Variants in ZSWIM8 observed in about 807,000 individuals in gnomAD.
The protein encoded by ZSWIM8 is zinc finger SWIM domain-containing protein 8.
A neutral mutation model predicts 173.7 loss-of-function variants in ZSWIM8; 27 were observed. The observed-to-expected ratio is 0.16, with a 90% confidence interval of 0.11 to 0.21. ZSWIM8 has a LOEUF of 0.21. Ranked by LOEUF, ZSWIM8 falls within the 10% of genes least tolerant of loss-of-function variation. The probability of loss-of-function intolerance (pLI) is 1.00; values close to 1 mark genes in which losing one functional copy is unlikely to be tolerated. For synonymous variants in ZSWIM8, 958 were observed against 962.0 expected (o/e 1.00, Z 0.08); for missense variants, 1,627 against 2,428.8 (o/e 0.67, Z 6.94).
Position 73,791,485 on chromosome 10 carries a change from ACTCAGCC to A in ZSWIM8, c.1307_1313del (p.Leu436ProfsTer16). Reference sequence around the variant, plus strand: ...GGAGGCTGGCCGTGCTGGACCCTGCACTCAGCCCCCAGCGGTGAGTCTCCCCTGAGGC... The same window carrying A: ...GGAGGCTGGCCGTGCTGGACCCTGCACCCAGCGGTGAGTCTCCCCTGAGGC... On this transcript the variant is annotated frameshift_variant, in exon 9 of 26. Coordinates refer to ENST00000604729, the MANE Select transcript of ZSWIM8 (RefSeq NM_001367799.1). LOFTEE classifies it high-confidence loss of function. This position sits in a 1 kb window ranked among gnomAD's most constrained non-coding sequence, Gnocchi z 6.0. 6.2e-7 allele frequency: 1 copy of A among 1,603,634 alleles called. No homozygotes were observed.
chr10:73,796,228 A>AC, intron 15 of ZSWIM8: 1 of 218,192 alleles, frequency 4.6e-6, no homozygotes, highest in South Asian at 5.0e-5. Context: ...GCGCGCCTGT[A>AC]GTCCCAGCTA....
rs368300768 is a variant in ZSWIM8, at chr10:73,790,299, C to T, written c.941+7C>T. 2.3e-4 allele frequency: 375 copies of T among 1,598,404 alleles called. No homozygotes were observed. Among genetic ancestry groups the T allele is most frequent in the Admixed American group, 3.4e-4 (20 of 58,158 alleles). On this transcript the variant is annotated splice_region_variant and intron_variant, in intron 7 of 25. Coordinates refer to ENST00000604729, the MANE Select transcript of ZSWIM8 (RefSeq NM_001367799.1). ...CCTCCCCTGTGGTCTTCAGGTAAAT[C>T]GGATCTCTGCATACCTGTGTCTGTG... is the stretch of plus-strand genomic sequence containing the variant.
chr10:73,795,801 A>C, intron 15 of ZSWIM8, 138 bp downstream of exon 15: 1 of 972,392 alleles, frequency 1.0e-6, no homozygotes, highest in Non-Finnish European at 1.5e-6. Context: ...CTACCAAAAA[A>C]TACAAAAAAT....
chr10:73,797,292 G>T lies in ZSWIM8; in HGVS notation c.3433+21G>T. ...CACAGGTAGGATAGCCTGTGGGCTAGCATAGAGGGAAGGATAATCCTGAAG... is the reference window on the plus strand; with the variant it reads ...CACAGGTAGGATAGCCTGTGGGCTATCATAGAGGGAAGGATAATCCTGAAG... On this transcript the variant is annotated intron_variant, in intron 17 of 25. Coordinates refer to ENST00000604729, the MANE Select transcript of ZSWIM8 (RefSeq NM_001367799.1). The surrounding 1 kb of genome is among the most constrained non-coding windows in gnomAD (Gnocchi z 5.6). 1 of 1,613,804 alleles carries T rather than the reference G, an allele frequency of 6.2e-7. No individual in the cohort carries two copies. The highest frequency in any genetic ancestry group is 2.2e-5 in the East Asian group (1 of 44,884).
In ZSWIM8 at chr10:73,793,754, C is replaced by G. The variant is rs372881703; in HGVS notation, c.2445+35C>G. The G allele has an allele frequency of 5.1e-6, 8 of 1,574,564 alleles. No individual in the cohort carries two copies. In the Admixed American group the frequency reaches 8.6e-5, roughly 17 times the overall value. Reference sequence around the variant, plus strand: ...CCCCTTCCTCTACCTTCCCCTCCCCCACTTACCCCCAACCTGCTCCCATGC... The same window carrying G: ...CCCCTTCCTCTACCTTCCCCTCCCCGACTTACCCCCAACCTGCTCCCATGC... On this transcript the variant is annotated intron_variant, in intron 11 of 25. Coordinates refer to ENST00000604729, the MANE Select transcript of ZSWIM8 (RefSeq NM_001367799.1).
Position 73,795,667 on chromosome 10 carries a change from A to G in ZSWIM8, c.3033+4A>G. 2 of 1,611,548 alleles carry G rather than the reference A, an allele frequency of 1.2e-6. No individual in the cohort carries two copies. Among genetic ancestry groups the G allele is most frequent in the Non-Finnish European group, 1.7e-6 (2 of 1,179,562 alleles). On this transcript the variant is annotated splice_donor_region_variant and intron_variant, in intron 15 of 25. Transcript: ENST00000604729. ...CGACCAGGCCAAGCTTAAGAAGGTA[A>G]GAGACTGGGGCTGGGTGCGGTGGCT...
In ZSWIM8 at chr10:73,789,448, G is replaced by A. The variant is rs1229642366; in HGVS notation, c.539G>A (p.Arg180His). The A allele has an allele frequency of 6.2e-7, 1 of 1,606,828 alleles. No individual in the cohort carries two copies. The highest frequency in any genetic ancestry group is 8.5e-7 in the Non-Finnish European group (1 of 1,176,540). Residue 180 changes from arginine (R) to histidine (H), a missense_variant, in exon 4 of 26, where the codon CGC (arginine) becomes CAC (histidine). By Grantham distance (29) the Arg-to-His change is conservative. This residue lies in a region of ZSWIM8 where 39 missense variants were observed against 154.0 expected (regional missense o/e 0.25). Transcript: ENST00000604729. This position sits in a 1 kb window ranked among gnomAD's most constrained non-coding sequence, Gnocchi z 6.8. ...TACAACGTGGCTGTGATGTTTGACC[G>A]CTGCCGGGTCACTTCCTGCAGCTGT... ...GAYNVAVMFD[R>H]CRVTSCSCTC...
chr10:73,799,145 T>A lies in ZSWIM8; in HGVS notation c.4320T>A (p.Arg1440=). The part of the protein sequence containing the change: ...EQTAGGSSTA[R]EGATSCSASG... ...CTGCAGGTGGCTCATCCACAGCCCG[T>A]GAAGGGGCTACAAGCTGTAGTGCCA... Residue 1440 remains arginine, a synonymous_variant, in exon 21 of 26, where the codon CGT becomes CGA. Transcript: ENST00000604729. 1 of 1,612,984 alleles carries A rather than the reference T, an allele frequency of 6.2e-7. No individual in the cohort carries two copies. The highest frequency in any genetic ancestry group is 2.2e-5 in the East Asian group (1 of 44,844).
Position 73,799,304 on chromosome 10 carries a change from G to A in ZSWIM8, c.4479G>A (p.Gly1493=), listed in dbSNP as rs565613701. Reference sequence around the variant, plus strand: ...CAGTGGTGCCCGTCATATCGGTGGGGTCTAGTTTATACCCGGGTCCAGGAC... The same window carrying A: ...CAGTGGTGCCCGTCATATCGGTGGGATCTAGTTTATACCCGGGTCCAGGAC... ...AATVVPVISV[G]SSLYPGPGLG... The change falls in exon 21 of 26, where the codon GGG becomes GGA. Residue 1493 remains glycine (G), a synonymous_variant. Coordinates refer to ENST00000604729, the MANE Select transcript of ZSWIM8 (RefSeq NM_001367799.1). The A allele has an allele frequency of 5.3e-5, 85 of 1,606,022 alleles. No homozygotes were observed. In the Admixed American group the frequency reaches 1.3e-3, roughly 25 times the overall value.
At position 73,800,783 on chromosome 10, in the gene ZSWIM8, C is replaced by A; in HGVS notation, c.5122+24C>A. 2 of 1,537,470 alleles carry A rather than the reference C, an allele frequency of 1.3e-6. No homozygotes were observed. The highest frequency in any genetic ancestry group is 1.8e-6 in the Non-Finnish European group (2 of 1,129,496). On this transcript the variant is annotated intron_variant, in intron 24 of 25. Coordinates refer to ENST00000604729, the MANE Select transcript of ZSWIM8 (RefSeq NM_001367799.1). The surrounding 1 kb of genome is among the most constrained non-coding windows in gnomAD (Gnocchi z 4.1). Reference sequence around the variant, plus strand: ...GGGTAACACCTCCCCTCCCTAGGACCATTGCCCCCCCCCCACCTGCTCTCC... The same window carrying A: ...GGGTAACACCTCCCCTCCCTAGGACAATTGCCCCCCCCCCACCTGCTCTCC...
intron 6 of ZSWIM8, 31 bp from the exon 7 acceptor site, chr10:73,790,141 C>T (rs761182729): frequency 1.3e-5 from 21 of 1,610,474 alleles, no homozygotes; most frequent in Non-Finnish European, 1.7e-5. Flanking sequence ...AGGCCCCTAT[C>T]TCTAGATGAC....
At position 73,797,429 on chromosome 10, in the gene ZSWIM8, C is replaced by T. The variant is rs776066714; in HGVS notation, c.3486C>T (p.Pro1162=). ...CTGAAACAACATCGGATAGTTCCCC[C>T]ACCTTAAGCCGGAGACCACTTCGAG... ...SAPETTSDSS[P]TLSRRPLRGG... The change falls in exon 18 of 26, where the codon CCC becomes CCT. Residue 1162 remains proline, a synonymous_variant. Transcript: ENST00000604729. The surrounding 1 kb of genome is among the most constrained non-coding windows in gnomAD (Gnocchi z 5.6). The T allele has an allele frequency of 1.9e-6, 3 of 1,613,924 alleles. No individual in the cohort carries two copies. In the East Asian group the frequency reaches 6.7e-5, roughly 36 times the overall value.
rs2083685738 is a variant in ZSWIM8, at chr10:73,796,874, C to T, written c.3134C>T (p.Ser1045Phe). ...CGCCCAACCACAGCCAGCCAGAGGT[C>T]TCCTTCAAAGCACGGGGGCCCATCT... ...SSRPTTASQR[S>F]PSKHGGPSAP... is the part of the protein sequence containing the mutation. Residue 1045 changes from serine to phenylalanine, a missense_variant, in exon 16 of 26, where the codon TCT becomes TTT. Around this residue, in one of 18 missense-constraint regions of ZSWIM8, gnomAD observed 163 missense variants for 193.2 expected, o/e 0.84. Coordinates refer to ENST00000604729, the MANE Select transcript of ZSWIM8 (RefSeq NM_001367799.1). 4 of 1,614,070 alleles carry T rather than the reference C, an allele frequency of 2.5e-6. No individual in the cohort carries two copies. The highest frequency in any genetic ancestry group is 3.4e-6 in the Non-Finnish European group (4 of 1,179,900).
At position 73,792,355 on chromosome 10, in the gene ZSWIM8, C is replaced by A; in HGVS notation, c.1816C>A (p.Arg606=). Residue 606 remains arginine, a synonymous_variant, in exon 10 of 26, where the codon CGG becomes AGG. Coordinates refer to ENST00000604729, the MANE Select transcript of ZSWIM8 (RefSeq NM_001367799.1). The surrounding 1 kb of genome is among the most constrained non-coding windows in gnomAD (Gnocchi z 4.3). ...KGSAGGGSKR[R]LSSEDSSLEP... is the part of the protein sequence containing the mutation. ...CTCAGCAGGTGGCGGAAGCAAGCGA[C>A]GGCTGAGCAGCGAAGACAGCTCCCT... 1.9e-6 allele frequency: 3 copies of A among 1,611,342 alleles called. No individual in the cohort carries two copies. The highest frequency in any genetic ancestry group is 2.5e-6 in the Non-Finnish European group (3 of 1,178,782).
chr10:73,792,961 T>A lies in ZSWIM8; in HGVS notation c.2313+109T>A. ...ACCATCAGCAGGATTGTGAGAACCC[T>A]GTTGCAGGCGCCGAACTGGTCTCCC... On this transcript the variant is annotated intron_variant, in intron 10 of 25. Transcript: ENST00000604729. This position sits in a 1 kb window ranked among gnomAD's most constrained non-coding sequence, Gnocchi z 4.3. 1 of 1,354,360 alleles carries A rather than the reference T, an allele frequency of 7.4e-7. No homozygotes were observed. Among genetic ancestry groups the A allele is most frequent in the Non-Finnish European group, 9.9e-7 (1 of 1,008,132 alleles). 83.9% of individuals were successfully genotyped at this position (1,354,360 alleles called of 1,614,324 possible). A position where few individuals can be genotyped will look rare whatever the true frequency, so the allele number is the denominator to read the frequency against.
chr10:73,798,581 A>C, intron 20 of ZSWIM8, 128 bp downstream of exon 20: 16 of 843,714 alleles, frequency 1.9e-5, no homozygotes, highest in Non-Finnish European at 2.5e-5. Flanking sequence ...TGGTCCTCTC[A>C]TGGCAACATT....
In ZSWIM8 at chr10:73,800,777, T is replaced by A; in HGVS notation, c.5122+18T>A. ...AAAGCTGGGTAACACCTCCCCTCCC[T>A]AGGACCATTGCCCCCCCCCCACCTG... On this transcript the variant is annotated intron_variant, in intron 24 of 25. Transcript: ENST00000604729. This position sits in a 1 kb window ranked among gnomAD's most constrained non-coding sequence, Gnocchi z 4.1. 2 of 1,556,180 alleles carry A rather than the reference T, an allele frequency of 1.3e-6. No homozygotes were observed. Among genetic ancestry groups the A allele is most frequent in the Non-Finnish European group, 1.8e-6 (2 of 1,137,556 alleles).
chr10:73,795,670 G>A lies in ZSWIM8; in HGVS notation c.3033+7G>A. ...CCAGGCCAAGCTTAAGAAGGTAAGA[G>A]ACTGGGGCTGGGTGCGGTGGCTCAT... On this transcript the variant is annotated splice_region_variant and intron_variant, in intron 15 of 25. Coordinates refer to ENST00000604729, the MANE Select transcript of ZSWIM8 (RefSeq NM_001367799.1). 6 of 1,610,734 alleles carry A rather than the reference G, an allele frequency of 3.7e-6. No homozygotes were observed. The highest frequency in any genetic ancestry group is 5.1e-6 in the Non-Finnish European group (6 of 1,179,490).
Position 73,790,167 on chromosome 10 carries a change from C to T in ZSWIM8, c.821-5C>T, listed in dbSNP as rs199700411. The T allele has an allele frequency of 1.2e-6, 2 of 1,611,466 alleles. No individual in the cohort carries two copies. The highest frequency in any genetic ancestry group is 1.7e-6 in the Non-Finnish European group (2 of 1,178,562). On this transcript the variant is annotated splice_region_variant and splice_polypyrimidine_tract_variant and intron_variant, in intron 6 of 25. Transcript: ENST00000604729. ...TCTAGATGACTGACTGCCTGTCATC[C>T]TCAGACCCCACAGCAGGGCCCTCAG...
Sources: allele counts gnomAD v4.1 joint callset, GRCh38; gene constraint gnomAD v4.1.1; regional missense constraint gnomAD v4.1.1; non-coding constraint Gnocchi (gnomAD v3.1); transcripts MANE v1.5; gene names NCBI Gene and HGNC (gene_info 2026-07-23, HGNC 2026-07-21).